Variants in DOCK2 observed in about 807,000 individuals in gnomAD.
The protein encoded by DOCK2 is dedicator of cytokinesis protein 2.
Under a neutral mutation model 248.9 loss-of-function variants are expected in DOCK2, and 87 were observed. The observed-to-expected ratio is 0.35, with a 90% CI of 0.29 to 0.42. The LOEUF (loss-of-function observed/expected upper bound fraction) is 0.42, where lower values mean the gene tolerates loss of function less well. Among genes scored for constraint, DOCK2 ranks in the 10% least tolerant of loss-of-function variants. The pLI is 1.00. For synonymous variants in DOCK2, 805 were observed against 821.6 expected (o/e 0.98, Z 0.35); for missense variants, 1,747 against 2,300.2 (o/e 0.76, Z 4.92).
rs1761753241 is a variant in DOCK2 at position 169,714,253 on chromosome 5, T to A, written c.1843+42T>A. The A allele has an allele frequency of 1.2e-5, 19 of 1,602,076 alleles. No homozygotes were observed. In the East Asian group the frequency reaches 3.4e-4, roughly 28 times the overall value. On this transcript the variant is annotated intron_variant, in intron 18 of 51. Transcript: ENST00000520908. ...GAGTTGTGTCTGTGGGGAGTGTGTG[T>A]GTCCGTGTGTGTGTACATGTGTGTA...
In DOCK2 at chr5:169,757,788, G is replaced by T. The variant is rs4867573; in HGVS notation, c.2377-1917G>T. Among the ~76,000 whole-genome samples the T allele has an allele frequency of 2.9e-3, 444 of 152,238 alleles. 20 individuals are homozygous for T. In the East Asian group the frequency reaches 0.07, roughly 24 times the overall value. ...AAAAAGGATATGAACATGCAATTTA[G>T]TAAATATAGATGTTCAATAAATATG... On this transcript the variant is annotated intron_variant, in intron 23 of 51. Transcript: ENST00000520908.
intron 27 of DOCK2, among the ~76,000 whole-genome samples, chr5:169,898,703 A>T (rs539318657): frequency 1.3e-5 from 2 of 152,290 alleles, no homozygotes; most frequent in Non-Finnish European, 1.5e-5. Flanking sequence ...TGTGTAGGCC[A>T]TGTGGTCTTT....
intron 27 of DOCK2, among the ~76,000 whole-genome samples, chr5:169,939,920 G>A (rs1269095365): frequency 6.6e-6 from 1 of 152,172 alleles, no homozygotes; most frequent in African/African-American, 2.4e-5. Flanking sequence ...CATTTTATAT[G>A]TGGAAAAACA....
chr5:169,643,439 C>T (rs991061748), intron 1 of DOCK2, among the ~76,000 whole-genome samples: 3 of 151,916 alleles, frequency 2.0e-5, no homozygotes, highest in Non-Finnish European at 2.9e-5. Context: ...GGGATGGTTT[C>T]GGGATGAAGC....
intron 47 of DOCK2, among the ~76,000 whole-genome samples, chr5:170,076,593 A>G (rs916441517): frequency 6.6e-6 from 1 of 152,210 alleles, no homozygotes; most frequent in African/African-American, 2.4e-5. Context: ...TGGCCTAAAG[A>G]GGCCATGAGC....
At chr5:169,924,651 C>T (rs958657438) in intron 27 of DOCK2, among the ~76,000 whole-genome samples, 4 of 152,180 alleles carry the variant, frequency 2.6e-5, no homozygotes, top group African/African-American at 9.7e-5. Context: ...CAACCCCATC[C>T]TGCTTAAAAA....
At chr5:169,749,297 A>G (rs1763778534) in intron 23 of DOCK2, among the ~76,000 whole-genome samples, 1 of 152,180 alleles carries the variant, frequency 6.6e-6, no homozygotes, top group Admixed American at 6.5e-5. Flanking sequence ...ATGGGAAGAA[A>G]CCAGCATAAT....
At chr5:169,922,560 C>A (rs757176591) in intron 27 of DOCK2, among the ~76,000 whole-genome samples, 6 of 152,140 alleles carry the variant, frequency 3.9e-5, no homozygotes, top group Admixed American at 1.3e-4. Context: ...GAAAAATAAC[C>A]GTTAATGGTT....
intron 25 of DOCK2, among the ~76,000 whole-genome samples, chr5:169,765,105 C>CCCA (rs1192388173): frequency 2.8e-4 from 42 of 150,878 alleles, no homozygotes; most frequent in African/African-American, 8.8e-4. Context: ...CACACACACC[C>CCCA]CACACACAGT....
chr5:169,905,151 C>T (rs1319662094), intron 27 of DOCK2, among the ~76,000 whole-genome samples: 3 of 152,164 alleles, frequency 2.0e-5, no homozygotes, highest in Non-Finnish European at 2.9e-5. Flanking sequence ...TGCAAACTCA[C>T]ATGGCTTCAG....
chr5:169,882,828 C>T lies in DOCK2; in HGVS notation c.2799+41976C>T, dbSNP rs373508606. On this transcript the variant is annotated intron_variant, in intron 27 of 51. Transcript: ENST00000520908. Reference sequence around the variant, plus strand: ...CTGACTCGGTGGGGTTGTTTGCCGTCTGCTCCTGACACCCAGGGGCAGATT... The same window carrying T: ...CTGACTCGGTGGGGTTGTTTGCCGTTTGCTCCTGACACCCAGGGGCAGATT... 6.4e-5 allele frequency: 99 copies of T among 1,550,910 alleles called. No individual in the cohort carries two copies. In the African/African-American group the frequency reaches 1.1e-3, roughly 17 times the overall value.
intron 27 of DOCK2, among the ~76,000 whole-genome samples, chr5:169,892,324 G>A (rs1406633494): frequency 3.3e-5 from 5 of 152,232 alleles, no homozygotes; most frequent in Non-Finnish European, 7.3e-5. Context: ...GAACAAACTT[G>A]CTGGTGTGTA....
chr5:169,748,067 G>C (rs534477436), intron 23 of DOCK2, among the ~76,000 whole-genome samples: 1 of 152,344 alleles, frequency 6.6e-6, no homozygotes, highest in East Asian at 1.9e-4. Flanking sequence ...TGCAGGCACT[G>C]GGGGTGCGGG....
chr5:169,910,612 G>A (rs1198410072), intron 27 of DOCK2, among the ~76,000 whole-genome samples: 5 of 152,132 alleles, frequency 3.3e-5, no homozygotes, highest in South Asian at 2.1e-4. Flanking sequence ...GAGTGAAAAC[G>A]ATATGTCATG....
chr5:169,987,465 G>A (rs1019734303), intron 29 of DOCK2, among the ~76,000 whole-genome samples: 2 of 152,230 alleles, frequency 1.3e-5, no homozygotes, highest in African/African-American at 4.8e-5. Flanking sequence ...GTTGTTACCA[G>A]AAAGAGGACT....
At position 170,042,147 on chromosome 5, in the gene DOCK2, C is replaced by T. The variant is rs1463542657; in HGVS notation, c.3876+15C>T. ...ACAAAGGAAAGGTAATCTGTCCCTG[C>T]CCACCCCCCGTGGGGACCCTGGCCA... On this transcript the variant is annotated intron_variant, in intron 38 of 51. Transcript: ENST00000520908. The T allele has an allele frequency of 7.5e-6, 12 of 1,600,098 alleles. No homozygotes were observed. Among genetic ancestry groups the T allele is most frequent in the Admixed American group, 3.4e-5 (2 of 58,510 alleles).
At chr5:169,656,639 C>A (rs1758137306) in intron 2 of DOCK2, among the ~76,000 whole-genome samples, 2 of 151,806 alleles carry the variant, frequency 1.3e-5, no homozygotes, top group South Asian at 4.2e-4. Context: ...GATAGCCAAG[C>A]CCACACTCTT....
At chr5:169,910,877 G>A (rs2113618451) in intron 27 of DOCK2, among the ~76,000 whole-genome samples, 1 of 152,306 alleles carries the variant, frequency 6.6e-6, no homozygotes, top group African/African-American at 2.4e-5. Flanking sequence ...GGTTTCTCCT[G>A]CAGGGGGTTG....
chr5:169,789,351 A>G (rs1339008004), intron 25 of DOCK2, among the ~76,000 whole-genome samples: 1 of 152,214 alleles, frequency 6.6e-6, no homozygotes, highest in African/African-American at 2.4e-5. Context: ...AACGAATTAT[A>G]TTTATTTGGG....
Sources: allele counts gnomAD v4.1 joint callset (sites outside exome capture counted in the v4.1 genomes callset), GRCh38; gene constraint gnomAD v4.1.1; transcripts MANE v1.5; gene names NCBI Gene and HGNC (gene_info 2026-07-23, HGNC 2026-07-21).